Variants in SGPP2 observed in about 807,000 individuals in gnomAD.
The protein encoded by SGPP2 is sphingosine 1-phosphate phosphohydrolase 2.
SGPP2 carries 30 observed loss-of-function variants against 33.9 expected under a neutral mutation model. The ratio of observed to expected loss-of-function variants is 0.89; its 90% CI spans 0.66 to 1.20. The LOEUF (loss-of-function observed/expected upper bound fraction) is 1.20, where lower values mean the gene tolerates loss of function less well. SGPP2 is among the 50% of genes most tolerant of loss of function. SGPP2 has a pLI of 0.00. For missense variants in SGPP2, 458 were observed against 532.1 expected, an observed-to-expected ratio of 0.86 and a Z score of 1.37; for synonymous variants, 233 against 225.0, an observed-to-expected ratio of 1.04 and a Z score of -0.32.
chr2:222,472,568 A>G (rs1697861057), intron 1 of SGPP2, among the ~76,000 whole-genome samples: 1 of 152,230 alleles, frequency 6.6e-6, no homozygotes, highest in South Asian at 2.1e-4. Flanking sequence ...ACGCCTGGTC[A>G]GTAAGTGAAT....
intron 1 of SGPP2, among the ~76,000 whole-genome samples, chr2:222,431,637 A>G (rs749206202): frequency 6.6e-6 from 1 of 152,182 alleles, no homozygotes; most frequent in Non-Finnish European, 1.5e-5. Flanking sequence ...ACTTCAGCCT[A>G]AAAAAGCAAG....
At chr2:222,556,104 C>T (rs1286816054) in intron 4 of SGPP2, among the ~76,000 whole-genome samples, 1 of 152,108 alleles carries the variant, frequency 6.6e-6, no homozygotes, top group Non-Finnish European at 1.5e-5. Flanking sequence ...CAGTGAGTGG[C>T]CTTTGAGAGT....
chr2:222,514,990 C>T (rs1389844343), intron 2 of SGPP2, among the ~76,000 whole-genome samples: 2 of 150,668 alleles, frequency 1.3e-5, no homozygotes, highest in African/African-American at 4.9e-5. Context: ...ATTCTTTGTA[C>T]ATTCATCAAC....
At chr2:222,430,747 A>G (rs1697141879) in intron 1 of SGPP2, among the ~76,000 whole-genome samples, 1 of 152,258 alleles carries the variant, frequency 6.6e-6, no homozygotes, top group African/African-American at 2.4e-5. Context: ...CCAGATGATC[A>G]AGGTCAACAT....
rs1365785269 is a variant in SGPP2, at chr2:222,476,226, AATGGACTTG to A, written c.378+1503_378+1511del. ...GTTTTCTCATTTGTAGAACAAGTAG[AATGGACTTG>A]ATCAGGGGTCATAAATTCGAATGTT... On this transcript the variant is annotated intron_variant, in intron 2 of 4. Transcript: ENST00000321276. The surrounding 1 kb of genome is among the most constrained non-coding windows in gnomAD (Gnocchi z 4.3). Among the ~76,000 whole-genome samples the A allele has an allele frequency of 6.6e-6, 1 of 152,180 alleles. No homozygotes were observed. The highest frequency in any genetic ancestry group is 1.5e-5 in the Non-Finnish European group (1 of 68,032).
intron 3 of SGPP2, among the ~76,000 whole-genome samples, 165 bp from the exon 4 acceptor site, chr2:222,524,779 T>A (rs1216500894): frequency 6.6e-6 from 1 of 152,122 alleles, no homozygotes; most frequent in African/African-American, 2.4e-5. Flanking sequence ...TTCTTCTGTC[T>A]CCCCGTTTAA....
chr2:222,478,339 A>G (rs542175313), intron 2 of SGPP2, among the ~76,000 whole-genome samples: 56 of 151,844 alleles, frequency 3.7e-4, no homozygotes, highest in African/African-American at 1.2e-3. Flanking sequence ...CTGATGGGCT[A>G]CAGAGACAAT....
chr2:222,440,959 G>A (rs1314130206), intron 1 of SGPP2, among the ~76,000 whole-genome samples: 1 of 152,206 alleles, frequency 6.6e-6, no homozygotes, highest in Non-Finnish European at 1.5e-5. Flanking sequence ...CATGACTCTA[G>A]CTGGTATAGT....
At chr2:222,467,828 A>G (rs1275909654) in intron 1 of SGPP2, among the ~76,000 whole-genome samples, 3 of 151,580 alleles carry the variant, frequency 2.0e-5, no homozygotes, top group Non-Finnish European at 4.4e-5. Context: ...TTCCAATTAA[A>G]CTGGATGGCT....
rs138829043 is a variant in SGPP2, at chr2:222,501,888, C to A, written c.379-19879C>A. Among the ~76,000 whole-genome samples the A allele has an allele frequency of 4.9e-3, 745 of 150,920 alleles. 21 individuals carry two copies. The highest frequency in any genetic ancestry group is 7.7e-4 in the Non-Finnish European group (52 of 67,762). On this transcript the variant is annotated intron_variant, in intron 2 of 4. Coordinates refer to ENST00000321276, the MANE Select transcript of SGPP2 (RefSeq NM_152386.4). ...GGGTTGGGGTTTTTTATGATGGTGGCAGTTGGAGAAGACAGGTAAAAACAT... is the reference window on the plus strand; with the variant it reads ...GGGTTGGGGTTTTTTATGATGGTGGAAGTTGGAGAAGACAGGTAAAAACAT...
chr2:222,486,833 A>T (rs182240803), intron 2 of SGPP2, among the ~76,000 whole-genome samples: 150 of 152,260 alleles, frequency 9.9e-4, no homozygotes, highest in African/African-American at 2.9e-3. Flanking sequence ...TATGGTATAT[A>T]TTAAGGCTTT....
intron 1 of SGPP2, among the ~76,000 whole-genome samples, chr2:222,468,631 G>A (rs879427982): frequency 8.4e-5 from 12 of 143,244 alleles, no homozygotes; most frequent in Admixed American, 3.5e-4. Flanking sequence ...GTCCAGTGGC[G>A]CTGACCTGGG....
At chr2:222,474,914 A>G (rs995894004) in intron 2 of SGPP2, among the ~76,000 whole-genome samples, 188 bp downstream of exon 2, 3 of 151,924 alleles carry the variant, frequency 2.0e-5, no homozygotes, top group Admixed American at 6.6e-5. Context: ...CCTGAACAGT[A>G]AGGGAATTGT....
rs866445823 is a variant in SGPP2, at chr2:222,467,980, A to C, written c.220-6588A>C. 4.7e-3 allele frequency among the ~76,000 whole-genome samples: 649 copies of C among 138,620 alleles called. 16 individuals carry two copies. The highest frequency in any genetic ancestry group is 0.018 in the African/African-American group (635 of 34,962). 90.9% of individuals were successfully genotyped at this position (138,620 alleles called of 152,430 possible). On this transcript the variant is annotated intron_variant, in intron 1 of 4. Coordinates refer to ENST00000321276, the MANE Select transcript of SGPP2 (RefSeq NM_152386.4). ...AAAAAAAAAAAAAAAAAAAAAAAAA[A>C]AAAAAAAACAGAGGAAGTAATACAA...
chr2:222,514,006 A>G (rs1164214174), intron 2 of SGPP2, among the ~76,000 whole-genome samples: 2 of 152,234 alleles, frequency 1.3e-5, no homozygotes, highest in Admixed American at 6.5e-5. Flanking sequence ...ATTTAAAATA[A>G]TAGCACCTCC....
At chr2:222,452,460 A>T (rs1697506263) in intron 1 of SGPP2, 2 of 806,262 alleles carry the variant, frequency 2.5e-6, no homozygotes, top group Admixed American at 3.4e-5. Context: ...TGGTTTGTGG[A>T]GTACTAAAAT....
chr2:222,533,005 T>A (rs1419261134), intron 4 of SGPP2, among the ~76,000 whole-genome samples: 2 of 142,470 alleles, frequency 1.4e-5, no homozygotes, highest in Non-Finnish European at 2.9e-5. Flanking sequence ...AGGTCTTACA[T>A]TTTTTCATGG....
At chr2:222,471,291 A>G (rs1014794549) in intron 1 of SGPP2, among the ~76,000 whole-genome samples, 1 of 152,148 alleles carries the variant, frequency 6.6e-6, no homozygotes, top group African/African-American at 2.4e-5. Context: ...ACTTTCCCTC[A>G]GGGCTATGTT....
At chr2:222,479,820 C>CA (rs34872752) in intron 2 of SGPP2, among the ~76,000 whole-genome samples, 49,364 of 151,764 alleles carry the variant, frequency 0.33, 8,675 homozygotes, top group African/African-American at 0.47. Context: ...ATTTTTCACA[C>CA]ACAAAAATTT....
Sources: allele counts gnomAD v4.1 joint callset (sites outside exome capture counted in the v4.1 genomes callset), GRCh38; gene constraint gnomAD v4.1.1; non-coding constraint Gnocchi (gnomAD v3.1); transcripts MANE v1.5; gene names NCBI Gene and HGNC (gene_info 2026-07-23, HGNC 2026-07-21).